The following CAMSAP2 variants were observed in gnomAD, a reference collection of about 807,000 sequenced individuals.
The protein encoded by CAMSAP2 is calmodulin-regulated spectrin-associated protein 2.
Under a neutral mutation model 146.1 loss-of-function variants are expected in CAMSAP2, and 26 were observed. The ratio of observed to expected loss-of-function variants is 0.18; its 90% CI spans 0.13 to 0.25. CAMSAP2 has a LOEUF of 0.25. CAMSAP2 is among the 10% of genes least tolerant of loss of function. The pLI is 1.00. For missense variants in CAMSAP2, 1,381 were observed against 1,759.3 expected (o/e 0.78, Z 3.85); for synonymous variants, 499 against 596.6 (o/e 0.84, Z 2.38).
rs1667840785 is a variant in CAMSAP2, at chr1:200,860,037, C to T, written c.*1978C>T. ...ACAATGGAGAAACTTTAAAACTAAA[C>T]AGGACCACCCTTTATTCTTAAATTT... On this transcript the variant is annotated 3_prime_UTR_variant, in exon 17 of 17. Transcript: ENST00000358823. 1 of 152,610 alleles carries T rather than the reference C, an allele frequency of 6.6e-6. No homozygotes were observed. The highest frequency in any genetic ancestry group is 1.5e-5 in the Non-Finnish European group (1 of 67,956). 9.5% of individuals were successfully genotyped at this position (152,610 alleles called of 1,614,324 possible). A position where few individuals can be genotyped will look rare whatever the true frequency, so the allele number is the denominator to read the frequency against.
intron 4 of CAMSAP2, chr1:200,828,731 A>T: frequency 1.2e-6 from 1 of 868,690 alleles, no homozygotes; most frequent in Non-Finnish European, 1.8e-6. Flanking sequence ...TTGGATTTTA[A>T]GGTCATGTAA....
At chr1:200,841,509 G>T (rs193184464) in intron 6 of CAMSAP2, among the ~76,000 whole-genome samples, 26 of 152,298 alleles carry the variant, frequency 1.7e-4, no homozygotes, top group African/African-American at 6.3e-4. Context: ...GCCTCCCAAA[G>T]TGCTGGGGTT....
intron 7 of CAMSAP2, among the ~76,000 whole-genome samples, chr1:200,843,840 T>G (rs1029766683): frequency 5.4e-5 from 6 of 110,938 alleles, no homozygotes; most frequent in South Asian, 2.7e-4. Context: ...CTTATTTTTG[T>G]TTTTTTTTTG....
chr1:200,826,981 G>A (rs931985014), intron 4 of CAMSAP2, among the ~76,000 whole-genome samples: 2 of 152,208 alleles, frequency 1.3e-5, no homozygotes, highest in African/African-American at 4.8e-5. Context: ...CAAAAGGATA[G>A]TTGCTGATCA....
rs1489087586 is a variant in CAMSAP2, at chr1:200,860,606, GT to G, written c.*2553del. On this transcript the variant is annotated 3_prime_UTR_variant, in exon 17 of 17. Coordinates refer to ENST00000358823, the MANE Select transcript of CAMSAP2 (RefSeq NM_203459.4). ...CTAGAGCATTGCTTACAGGTTTTTT[GT>G]TTTTTAAGATGCTGTGCTGTAAAAT... The G allele has an allele frequency of 6.6e-6, 1 of 152,208 alleles. No homozygotes were observed. The highest frequency in any genetic ancestry group is 6.6e-5 in the Admixed American group (1 of 15,262). The allele number at this position is 152,208 out of a possible 1,614,324, so 9.4% of individuals were successfully genotyped here. A position where few individuals can be genotyped will look rare whatever the true frequency, so the allele number is the denominator to read the frequency against.
In CAMSAP2 at chr1:200,817,218, A is replaced by G. The variant is rs528434184; in HGVS notation, c.645+1574A>G. ...TGTGTGTGTATACACACATACACAC[A>G]TATGTGTGTGTATATACACACATAC... On this transcript the variant is annotated intron_variant, in intron 4 of 16. Coordinates refer to ENST00000358823, the MANE Select transcript of CAMSAP2 (RefSeq NM_203459.4). Among the ~76,000 whole-genome samples, 25 of 77,860 alleles carry G rather than the reference A, an allele frequency of 3.2e-4. 1 individual carries two copies. Among genetic ancestry groups the G allele is most frequent in the Middle Eastern group, 6.0e-3 (1 of 166 alleles). The allele number at this position is 77,860 out of a possible 152,430, so 51.1% of individuals were successfully genotyped here. A position where few individuals can be genotyped will look rare whatever the true frequency, so the allele number is the denominator to read the frequency against.
At chr1:200,786,448 A>G (rs1325832784) in intron 2 of CAMSAP2, among the ~76,000 whole-genome samples, 1 of 151,606 alleles carries the variant, frequency 6.6e-6, no homozygotes, top group Non-Finnish European at 1.5e-5. Flanking sequence ...CAGTGGCGCA[A>G]TCTCAGCTCG....
intron 1 of CAMSAP2, among the ~76,000 whole-genome samples, chr1:200,758,558 T>C (rs975037774): frequency 7.9e-5 from 12 of 152,214 alleles, no homozygotes; most frequent in African/African-American, 2.9e-4. Context: ...TAAATGAGGA[T>C]GATATTTTTA....
chr1:200,771,617 C>T (rs1665119691), intron 2 of CAMSAP2, among the ~76,000 whole-genome samples: 1 of 152,044 alleles, frequency 6.6e-6, no homozygotes, highest in Admixed American at 6.6e-5. Flanking sequence ...TTTCCAGAGA[C>T]CATGTCTATG....
At chr1:200,753,993 A>AT (rs1664579861) in intron 1 of CAMSAP2, among the ~76,000 whole-genome samples, 1 of 152,036 alleles carries the variant, frequency 6.6e-6, no homozygotes, top group African/African-American at 2.4e-5. Flanking sequence ...AAGTCTCCTT[A>AT]CCCCCATTTC....
At chr1:200,806,460 G>A (rs919518955) in intron 2 of CAMSAP2, among the ~76,000 whole-genome samples, 14 of 152,124 alleles carry the variant, frequency 9.2e-5, no homozygotes, top group African/African-American at 2.4e-4. Context: ...GGCTGATAAC[G>A]TTGGTGGGAG....
chr1:200,840,173 A>G (rs1464173897), intron 6 of CAMSAP2, among the ~76,000 whole-genome samples: 1 of 152,014 alleles, frequency 6.6e-6, no homozygotes, highest in Non-Finnish European at 1.5e-5. Flanking sequence ...TCAAACAATG[A>G]CTCTAGATTC....
intron 6 of CAMSAP2, among the ~76,000 whole-genome samples, chr1:200,834,649 C>T (rs1030365119): frequency 6.6e-6 from 1 of 152,220 alleles, no homozygotes; most frequent in Non-Finnish European, 1.5e-5. Context: ...TGCGGTGGCT[C>T]ATGCCTATAA....
chr1:200,770,625 A>G (rs993360518), intron 2 of CAMSAP2, among the ~76,000 whole-genome samples: 5 of 152,150 alleles, frequency 3.3e-5, no homozygotes, highest in African/African-American at 9.7e-5. Context: ...TGTGTTAGCC[A>G]GGATGGTCTC....
chr1:200,844,029 G>C (rs192769413), intron 7 of CAMSAP2, among the ~76,000 whole-genome samples: 121 of 151,672 alleles, frequency 8.0e-4, no homozygotes, highest in African/African-American at 2.6e-3. Context: ...CTGCCACCAC[G>C]CCCGGCTAAT....
intron 6 of CAMSAP2, among the ~76,000 whole-genome samples, chr1:200,840,170 A>G (rs147849603): frequency 1.6e-3 from 247 of 152,240 alleles, no homozygotes; most frequent in African/African-American, 5.8e-3. Flanking sequence ...ATCTCAAACA[A>G]TGACTCTAGA....
At chr1:200,767,818 A>G (rs1020296295) in intron 2 of CAMSAP2, among the ~76,000 whole-genome samples, 1 of 152,188 alleles carries the variant, frequency 6.6e-6, no homozygotes, top group Non-Finnish European at 1.5e-5. Context: ...CTACTCATGT[A>G]CCTAATAATG....
At chr1:200,783,384 T>C (rs1305668136) in intron 2 of CAMSAP2, among the ~76,000 whole-genome samples, 10 of 152,210 alleles carry the variant, frequency 6.6e-5, no homozygotes, top group Admixed American at 3.9e-4. Context: ...TTGGGGTTTT[T>C]ATTTTCTTAT....
In CAMSAP2 at chr1:200,832,418, C is replaced by A; in HGVS notation, c.787+77C>A. On this transcript the variant is annotated intron_variant, in intron 5 of 16. Transcript: ENST00000358823. This position sits in a 1 kb window ranked among gnomAD's most constrained non-coding sequence, Gnocchi z 4.2. ...TTTAAGACAGTATTATTTTGCACTC[C>A]AGCCTAGGTGACTGAGTGGGACCCT... 1.5e-6 allele frequency: 2 copies of A among 1,372,754 alleles called. No individual in the cohort carries two copies. The highest frequency in any genetic ancestry group is 2.0e-6 in the Non-Finnish European group (2 of 1,022,892). 85.0% of individuals were successfully genotyped at this position (1,372,754 alleles called of 1,614,324 possible).
Sources: allele counts gnomAD v4.1 joint callset (sites outside exome capture counted in the v4.1 genomes callset), GRCh38; gene constraint gnomAD v4.1.1; non-coding constraint Gnocchi (gnomAD v3.1); transcripts MANE v1.5; gene names NCBI Gene and HGNC (gene_info 2026-07-23, HGNC 2026-07-21).